The following ADGRL2 variants were observed in gnomAD, a reference collection of about 807,000 sequenced individuals.
The protein encoded by ADGRL2 is calcium-independent alpha-latrotoxin receptor 2.
A neutral mutation model predicts 157.4 loss-of-function variants in ADGRL2; 44 were observed. The observed-to-expected ratio is 0.28, with a 90% CI of 0.22 to 0.36. ADGRL2 has a LOEUF of 0.36. Among genes scored for constraint, ADGRL2 ranks in the 10% least tolerant of loss-of-function variants. The pLI is 1.00. For synonymous variants in ADGRL2, 585 were observed against 624.7 expected (o/e 0.94, Z 0.95); for missense variants, 1,510 against 1,768.9 (o/e 0.85, Z 2.63).
intron 3 of ADGRL2, among the ~76,000 whole-genome samples, chr1:81,625,905 T>C (rs2081899507): frequency 6.6e-6 from 1 of 152,204 alleles, no homozygotes; most frequent in Non-Finnish European, 1.5e-5. Context: ...TTGTGGACTA[T>C]ATAGAGTTAA....
At chr1:81,511,878 A>G (rs2079085582) in intron 2 of ADGRL2, among the ~76,000 whole-genome samples, 1 of 152,136 alleles carries the variant, frequency 6.6e-6, no homozygotes, top group African/African-American at 2.4e-5. Flanking sequence ...AAATTGTTTC[A>G]GTAAAGGGTG....
chr1:81,813,537 C>T (rs1436909572), intron 1 of ADGRL2, among the ~76,000 whole-genome samples: 1 of 151,540 alleles, frequency 6.6e-6, no homozygotes, highest in Non-Finnish European at 1.5e-5. Flanking sequence ...CCCGTATTAT[C>T]TTAACAAGTG....
chr1:81,945,419 AG>A (rs1649493270), intron 6 of ADGRL2, among the ~76,000 whole-genome samples: 3 of 152,120 alleles, frequency 2.0e-5, no homozygotes, highest in African/African-American at 7.2e-5. Context: ...CAGAAAAAAA[AG>A]AAAGAAAAAA....
At chr1:81,417,325 A>C (rs1265354027) in intron 1 of ADGRL2, among the ~76,000 whole-genome samples, 1 of 152,170 alleles carries the variant, frequency 6.6e-6, no homozygotes, top group Admixed American at 6.5e-5. Flanking sequence ...TTATAATGAT[A>C]ATTTATAATT....
chr1:81,907,317 A>G, intron 3 of ADGRL2, 87 bp downstream of exon 3: 1 of 1,081,246 alleles, frequency 9.2e-7, no homozygotes, highest in Non-Finnish European at 1.4e-6. Context: ...GAATGGATAT[A>G]GACCACATCC....
At chr1:81,600,339 C>T (rs1481796479) in intron 3 of ADGRL2, among the ~76,000 whole-genome samples, 3 of 152,198 alleles carry the variant, frequency 2.0e-5, no homozygotes, top group African/African-American at 7.2e-5. Flanking sequence ...CTCAGTGGCT[C>T]TAATCCATCT....
At chr1:81,742,998 C>T (rs1211060612) in intron 1 of ADGRL2, among the ~76,000 whole-genome samples, 2 of 151,754 alleles carry the variant, frequency 1.3e-5, no homozygotes, top group Non-Finnish European at 2.9e-5. Flanking sequence ...ATCTTAAAGA[C>T]AAGAGGGACA....
chr1:81,594,895 A>G lies in ADGRL2; in HGVS notation c.-143+13915A>G, dbSNP rs895567515. Among the ~76,000 whole-genome samples the G allele has an allele frequency of 2.0e-5, 3 of 152,262 alleles. No homozygotes were observed. The South Asian group carries it at 6.2e-4, about 32-fold the overall frequency. On this transcript the variant is annotated intron_variant, in intron 3 of 24. Transcript: ENST00000370721. Reference sequence around the variant, plus strand: ...TATTTTATAAGAATATAATAGAATAAGTCACAACTAGTGTAAAGTGAAGCA... The same window carrying G: ...TATTTTATAAGAATATAATAGAATAGGTCACAACTAGTGTAAAGTGAAGCA...
chr1:81,413,896 A>G (rs1045137557), intron 1 of ADGRL2, among the ~76,000 whole-genome samples: 8 of 152,218 alleles, frequency 5.3e-5, no homozygotes, highest in African/African-American at 1.9e-4. Context: ...TCTATTTAAG[A>G]TGCAAACATC....
chr1:81,854,628 G>GA (rs2093138555), intron 2 of ADGRL2, among the ~76,000 whole-genome samples: 2 of 152,134 alleles, frequency 1.3e-5, no homozygotes, highest in Non-Finnish European at 2.9e-5. Context: ...CAGTGTGCTA[G>GA]GTATGGGTAT....
intron 1 of ADGRL2, among the ~76,000 whole-genome samples, chr1:81,390,881 G>C (rs929376062): frequency 6.6e-6 from 1 of 152,300 alleles, no homozygotes; most frequent in Admixed American, 6.5e-5. Context: ...CTATTGCAAA[G>C]ATGCTGCCAC....
intron 2 of ADGRL2, among the ~76,000 whole-genome samples, chr1:81,467,011 A>G (rs2078070007): frequency 1.3e-5 from 2 of 150,618 alleles, no homozygotes; most frequent in African/African-American, 4.9e-5. Flanking sequence ...AGCCCTTTGC[A>G]GCTGCCACCT....
At chr1:81,649,745 G>T (rs1250619276) in intron 3 of ADGRL2, among the ~76,000 whole-genome samples, 2 of 152,128 alleles carry the variant, frequency 1.3e-5, no homozygotes, top group East Asian at 3.9e-4. Flanking sequence ...AGGCTTGGAG[G>T]GGTTAAGTAA....
intron 2 of ADGRL2, among the ~76,000 whole-genome samples, chr1:81,867,221 C>A (rs2093566714): frequency 6.6e-6 from 1 of 152,084 alleles, no homozygotes; most frequent in Non-Finnish European, 1.5e-5. Context: ...TTACTAAAAT[C>A]TTAATGTTTT....
intron 3 of ADGRL2, among the ~76,000 whole-genome samples, chr1:81,910,271 T>TAATAATAATAATAAC (rs772743285): frequency 0.013 from 1,933 of 149,826 alleles, 22 homozygotes; most frequent in South Asian, 0.037. Context: ...ATAATAATAA[T>TAATAATAATAATAAC]AATACTACAA....
rs1012071288 is a variant in ADGRL2, at chr1:81,363,299, G to A, written c.-302+56790G>A. Among the ~76,000 whole-genome samples, 5 of 152,158 alleles carry A rather than the reference G, an allele frequency of 3.3e-5. No individual in the cohort carries two copies. The East Asian group carries it at 5.8e-4, about 18-fold the overall frequency. ...ATTCCCTAGCTACAGTCAAGTGTACGAAAGGGTAACTTAGTCATTATTCAA... is the reference window on the plus strand; with the variant it reads ...ATTCCCTAGCTACAGTCAAGTGTACAAAAGGGTAACTTAGTCATTATTCAA... On this transcript the variant is annotated intron_variant, in intron 1 of 24. Coordinates refer to the ADGRL2 transcript ENST00000370721.
chr1:81,315,106 A>G (rs1660014482), intron 1 of ADGRL2, among the ~76,000 whole-genome samples: 1 of 152,154 alleles, frequency 6.6e-6, no homozygotes, highest in South Asian at 2.1e-4. Flanking sequence ...TTTGATTCAG[A>G]ATTTACATGT....
At chr1:81,321,725 T>C (rs1660513881) in intron 1 of ADGRL2, among the ~76,000 whole-genome samples, 2 of 151,898 alleles carry the variant, frequency 1.3e-5, no homozygotes, top group Admixed American at 6.6e-5. Context: ...ACATCAAAGA[T>C]CACTGATCAC....
chr1:81,347,139 C>A (rs527524635), intron 1 of ADGRL2, among the ~76,000 whole-genome samples: 1 of 152,236 alleles, frequency 6.6e-6, no homozygotes, highest in South Asian at 2.1e-4. Flanking sequence ...TGGCTCATGC[C>A]TGTAATCTCA....
Sources: allele counts gnomAD v4.1 joint callset (sites outside exome capture counted in the v4.1 genomes callset), GRCh38; gene constraint gnomAD v4.1.1; transcripts MANE v1.5; gene names NCBI Gene and HGNC (gene_info 2026-07-23, HGNC 2026-07-21).